Variants in NALCN observed in about 807,000 individuals in gnomAD.
The protein encoded by NALCN is sodium leak channel, non-selective, also known as sodium leak channel NALCN.
NALCN carries 111 observed loss-of-function variants against 225.3 expected under a neutral mutation model. The observed-to-expected ratio is 0.49, with a 90% CI of 0.42 to 0.58. The LOEUF (loss-of-function observed/expected upper bound fraction) is 0.58, where lower values mean the gene tolerates loss of function less well. NALCN is among the 20% of genes least tolerant of loss of function. The pLI, the probability that NALCN is intolerant of heterozygous loss-of-function variation, is 0.00. For synonymous variants in NALCN, 764 were observed against 769.0 expected, an observed-to-expected ratio of 0.99 and a Z score of 0.11; for missense variants, 1,378 against 2,202.4, an observed-to-expected ratio of 0.63 and a Z score of 7.49.
chr13:101,230,620 T>C (rs1182799623), intron 12 of NALCN, among the ~76,000 whole-genome samples: 2 of 152,192 alleles, frequency 1.3e-5, no homozygotes, highest in African/African-American at 4.8e-5. Context: ...AAACAAATAG[T>C]GTAGCCCCTT....
At chr13:101,145,536 T>C (rs2037305460) in intron 15 of NALCN, among the ~76,000 whole-genome samples, 1 of 152,242 alleles carries the variant, frequency 6.6e-6, no homozygotes, top group Non-Finnish European at 1.5e-5. Flanking sequence ...TAAGAGTGTA[T>C]ATTTATATTT....
At chr13:101,272,482 G>C (rs1339680538) in intron 10 of NALCN, among the ~76,000 whole-genome samples, 1 of 151,998 alleles carries the variant, frequency 6.6e-6, no homozygotes, top group African/African-American at 2.4e-5. Context: ...AGAAGAAAGA[G>C]AAACAAAAAA....
intron 11 of NALCN, among the ~76,000 whole-genome samples, chr13:101,239,655 G>T (rs1166545016): frequency 6.6e-6 from 1 of 151,978 alleles, no homozygotes; most frequent in African/African-American, 2.4e-5. Flanking sequence ...CATCAGGAAG[G>T]TGGTTAAGCA....
At chr13:101,143,691 C>T (rs1348586798) in intron 16 of NALCN, among the ~76,000 whole-genome samples, 3 of 152,058 alleles carry the variant, frequency 2.0e-5, no homozygotes, top group East Asian at 1.9e-4. Flanking sequence ...CTCGAACTCC[C>T]GACCTCAGGT....
chr13:101,212,369 C>T (rs536606651), intron 13 of NALCN, among the ~76,000 whole-genome samples: 35 of 152,280 alleles, frequency 2.3e-4, no homozygotes, highest in Admixed American at 1.2e-3. Context: ...TTTGCTATTA[C>T]TTTAGAACTG....
rs115249139 is a variant in NALCN at position 101,405,153 on chromosome 13, T to A, written c.-39-5988A>T. 8.8e-4 allele frequency among the ~76,000 whole-genome samples: 134 copies of A among 152,338 alleles called. 1 individual carries two copies. The highest frequency in any genetic ancestry group is 3.1e-3 in the African/African-American group (129 of 41,584). Reference sequence around the variant, plus strand: ...CCTGTCCTTTCCCTATATGCACATTTACATCTTCAGTTTTACCTCAATACA... The same window carrying A: ...CCTGTCCTTTCCCTATATGCACATTAACATCTTCAGTTTTACCTCAATACA... On this transcript the variant is annotated intron_variant, in intron 1 of 43. Coordinates refer to ENST00000251127, the MANE Select transcript of NALCN (RefSeq NM_052867.4).
chr13:101,195,538 T>C (rs978215935), intron 13 of NALCN, among the ~76,000 whole-genome samples: 1 of 152,262 alleles, frequency 6.6e-6, no homozygotes, highest in African/African-American at 2.4e-5. Context: ...ATGTTGAACC[T>C]GAATTGGCTG....
chr13:101,058,104 TCTC>T (rs2031493500), intron 42 of NALCN, 48 bp from the exon 43 acceptor site: 2 of 1,503,388 alleles, frequency 1.3e-6, no homozygotes, highest in East Asian at 2.3e-5. Context: ...AACCCTGCGC[TCTC>T]CTCCTTTTAC....
Position 101,089,821 on chromosome 13 carries a change from C to T in NALCN, c.3390+25G>A. 6.2e-7 allele frequency: 1 copy of T among 1,613,952 alleles called. No homozygotes were observed. Among genetic ancestry groups the T allele is most frequent in the Non-Finnish European group, 8.5e-7 (1 of 1,179,910 alleles). On this transcript the variant is annotated intron_variant, in intron 29 of 43. Coordinates refer to ENST00000251127, the MANE Select transcript of NALCN (RefSeq NM_052867.4). The surrounding 1 kb of genome is among the most constrained non-coding windows in gnomAD (Gnocchi z 4.7). Reference sequence around the variant, plus strand: ...AAATGAAAGCTGCTCTTGAAGTGTTCAAAGGATTCGATGTGCTCGCTTACC... The same window carrying T: ...AAATGAAAGCTGCTCTTGAAGTGTTTAAAGGATTCGATGTGCTCGCTTACC...
At chr13:101,288,595 C>A (rs1407963918) in intron 9 of NALCN, among the ~76,000 whole-genome samples, 2 of 152,186 alleles carry the variant, frequency 1.3e-5, no homozygotes, top group Admixed American at 1.3e-4. Context: ...TCAGTCTTCT[C>A]TGTTAATTAG....
chr13:101,095,357 TC>T (rs1158103881), intron 28 of NALCN, among the ~76,000 whole-genome samples: 2 of 152,348 alleles, frequency 1.3e-5, no homozygotes, highest in African/African-American at 4.8e-5. Context: ...TTCTCTAGTT[TC>T]ATGAAGCTAT....
intron 6 of NALCN, among the ~76,000 whole-genome samples, chr13:101,358,746 G>A (rs2046136734): frequency 6.6e-6 from 1 of 152,112 alleles, no homozygotes; most frequent in Non-Finnish European, 1.5e-5. Flanking sequence ...ACATGTACAC[G>A]TATGTTTCTT....
chr13:101,262,963 G>T (rs1289745106), intron 10 of NALCN, among the ~76,000 whole-genome samples: 1 of 152,076 alleles, frequency 6.6e-6, no homozygotes, highest in Non-Finnish European at 1.5e-5. Flanking sequence ...TTCTACAAAG[G>T]TTTACAGAAA....
At chr13:101,222,588 G>A (rs12874166) in intron 13 of NALCN, among the ~76,000 whole-genome samples, 80,394 of 151,850 alleles carry the variant, frequency 0.53, 21,439 homozygotes, top group Non-Finnish European at 0.56. Context: ...GAGGGATAGC[G>A]TTATGATACC....
At chr13:101,285,785 G>A (rs376112493) in intron 9 of NALCN, among the ~76,000 whole-genome samples, 3 of 152,088 alleles carry the variant, frequency 2.0e-5, no homozygotes, top group East Asian at 3.9e-4. Flanking sequence ...ACCTGTTATA[G>A]GACCTTGTAA....
intron 10 of NALCN, among the ~76,000 whole-genome samples, chr13:101,278,249 G>C (rs2043026962): frequency 6.6e-6 from 1 of 152,064 alleles, no homozygotes; most frequent in African/African-American, 2.4e-5. Context: ...GTTCAGCTGG[G>C]CACAGTGGCT....
intron 13 of NALCN, among the ~76,000 whole-genome samples, chr13:101,222,474 T>C (rs2040978731): frequency 6.6e-6 from 1 of 152,154 alleles, no homozygotes; most frequent in African/African-American, 2.4e-5. Flanking sequence ...TCTCCTACCA[T>C]GTTTCACCAT....
chr13:101,398,138 G>T (rs1045360112), intron 2 of NALCN, among the ~76,000 whole-genome samples: 2 of 152,194 alleles, frequency 1.3e-5, no homozygotes, highest in African/African-American at 4.8e-5. Context: ...ATTTTAATTT[G>T]CAATGAAGGT....
At chr13:101,274,753 T>C (rs2140264247) in intron 10 of NALCN, among the ~76,000 whole-genome samples, 1 of 152,324 alleles carries the variant, frequency 6.6e-6, no homozygotes, top group African/African-American at 2.4e-5. Context: ...ACAGCATGAT[T>C]TGAGCTTCAG....
Sources: gnomAD v4.1 joint callset for allele counts (sites outside exome capture counted in the v4.1 genomes callset) on GRCh38, gnomAD v4.1.1 for gene constraint, Gnocchi (gnomAD v3.1) non-coding constraint, MANE v1.5 for transcripts, NCBI Gene and HGNC (gene_info 2026-07-23, HGNC 2026-07-21) for gene names.